The following PPARGC1A variants were observed in gnomAD, a reference collection of about 807,000 sequenced individuals.
PPARGC1A encodes the protein peroxisome proliferator-activated receptor gamma coactivator 1-alpha.
PPARGC1A carries 25 observed loss-of-function variants against 88.7 expected under a neutral mutation model. The observed-to-expected ratio is 0.28, with a 90% CI of 0.21 to 0.39. The LOEUF is 0.39. PPARGC1A is among the 10% of genes least tolerant of loss of function. PPARGC1A has a pLI of 1.00. For synonymous variants in PPARGC1A, 363 were observed against 355.6 expected (o/e 1.02, Z -0.24); for missense variants, 880 against 968.7 (o/e 0.91, Z 1.22).
chr4:24,468,042 C>A, the PPARGC1A span, among the ~76,000 whole-genome samples: 17 of 152,160 alleles, frequency 1.1e-4, no homozygotes, highest in Non-Finnish European at 2.1e-4. Context: ...GAGCAGTCAG[C>A]TAATTGGCTC....
chr4:24,288,670 A>T, the PPARGC1A span, among the ~76,000 whole-genome samples: 3 of 152,214 alleles, frequency 2.0e-5, no homozygotes, highest in African/African-American at 7.2e-5. Flanking sequence ...GTGCAAATAC[A>T]AATTTCCTTT....
chr4:24,071,143 G>A, the PPARGC1A span, among the ~76,000 whole-genome samples: 5 of 152,112 alleles, frequency 3.3e-5, no homozygotes, highest in East Asian at 5.8e-4. Flanking sequence ...AGAAGGCCAG[G>A]ACATCCTATC....
chr4:23,828,794 T>C (rs1430568587), intron 4 of PPARGC1A, among the ~76,000 whole-genome samples, 190 bp from the exon 5 acceptor site: 1 of 152,230 alleles, frequency 6.6e-6, no homozygotes, highest in African/African-American at 2.4e-5. Context: ...ATGACATTTA[T>C]GCAGCTTTTT....
the PPARGC1A span, among the ~76,000 whole-genome samples, chr4:23,989,227 A>G: frequency 6.6e-6 from 1 of 151,934 alleles, no homozygotes; most frequent in African/African-American, 2.4e-5. Context: ...TTCTTTTAAT[A>G]ATGCACATTT....
At chr4:24,386,602 ACAAACAGAGAGC>A in the PPARGC1A span, among the ~76,000 whole-genome samples, 1 of 152,196 alleles carries the variant, frequency 6.6e-6, no homozygotes, top group African/African-American at 2.4e-5. Context: ...CCAATAATAG[ACAAACAGAGAGC>A]CAAATCATGA....
the PPARGC1A span, among the ~76,000 whole-genome samples, chr4:24,171,391 C>T: frequency 2.6e-5 from 4 of 151,600 alleles, no homozygotes; most frequent in Non-Finnish European, 2.9e-5. Context: ...GGTAACAGAG[C>T]GAGACTCCAT....
chr4:23,798,513 C>A (rs970303032), intron 12 of PPARGC1A, among the ~76,000 whole-genome samples: 1 of 152,048 alleles, frequency 6.6e-6, no homozygotes, highest in Non-Finnish European at 1.5e-5. Flanking sequence ...CATAAAGTTA[C>A]GTGTATAATC....
At chr4:24,076,786 A>G in the PPARGC1A span, among the ~76,000 whole-genome samples, 1 of 152,182 alleles carries the variant, frequency 6.6e-6, no homozygotes, top group Non-Finnish European at 1.5e-5. Flanking sequence ...TAAGTCTTAC[A>G]TACCCCCATT....
chr4:23,911,541 G>A, the PPARGC1A span, among the ~76,000 whole-genome samples: 1 of 152,078 alleles, frequency 6.6e-6, no homozygotes, highest in East Asian at 1.9e-4. Flanking sequence ...TTTTCCTAAT[G>A]GATCATGAGT....
chr4:24,407,555 C>T, the PPARGC1A span, among the ~76,000 whole-genome samples: 3 of 152,190 alleles, frequency 2.0e-5, no homozygotes, highest in Middle Eastern at 3.2e-3. Flanking sequence ...TAAGAGGAGG[C>T]AACTAAATTT....
At chr4:23,836,691 A>T (rs1247455469) in intron 2 of PPARGC1A, among the ~76,000 whole-genome samples, 1 of 152,188 alleles carries the variant, frequency 6.6e-6, no homozygotes, top group Non-Finnish European at 1.5e-5. Context: ...TTGAAAGAAG[A>T]TAGGTTCTGG....
the PPARGC1A span, among the ~76,000 whole-genome samples, chr4:23,981,071 T>C: frequency 2.0e-5 from 3 of 151,992 alleles, no homozygotes; most frequent in Non-Finnish European, 4.4e-5. Context: ...ATCTCAAATG[T>C]TCTGCTTGAT....
chr4:24,286,483 C>A, the PPARGC1A span, among the ~76,000 whole-genome samples: 1 of 152,256 alleles, frequency 6.6e-6, no homozygotes, highest in East Asian at 1.9e-4. Flanking sequence ...AAGTTTACCT[C>A]CCTGATCAAC....
chr4:24,378,182 C>T, the PPARGC1A span, among the ~76,000 whole-genome samples: 1 of 151,924 alleles, frequency 6.6e-6, no homozygotes, highest in Non-Finnish European at 1.5e-5. Flanking sequence ...ACTAAAAATA[C>T]AAAAATTAGC....
chr4:24,336,053 C>G, the PPARGC1A span, among the ~76,000 whole-genome samples: 1 of 151,940 alleles, frequency 6.6e-6, no homozygotes, highest in East Asian at 1.9e-4. Flanking sequence ...TTTTTTCCCC[C>G]GTTTTTATGC....
chr4:24,256,832 T>C, the PPARGC1A span, among the ~76,000 whole-genome samples: 3 of 152,186 alleles, frequency 2.0e-5, no homozygotes, highest in Non-Finnish European at 4.4e-5. Context: ...ATTAGATCTC[T>C]GGACTCTGAG....
chr4:24,038,085 A>G, the PPARGC1A span, among the ~76,000 whole-genome samples: 1 of 152,242 alleles, frequency 6.6e-6, no homozygotes, highest in Non-Finnish European at 1.5e-5. Context: ...AATGGATTTC[A>G]GCCCCCAACT....
At chr4:23,951,058 C>T in the PPARGC1A span, among the ~76,000 whole-genome samples, 4 of 152,058 alleles carry the variant, frequency 2.6e-5, no homozygotes, top group African/African-American at 4.8e-5. Context: ...TACTTATTGA[C>T]GATTTGCTAC....
the PPARGC1A span, among the ~76,000 whole-genome samples, chr4:24,026,444 T>C: frequency 2.0e-5 from 3 of 152,338 alleles, no homozygotes; most frequent in East Asian, 5.8e-4. Flanking sequence ...CATCTTCAGC[T>C]TCCTTTTCTA....
Sources: gnomAD v4.1 joint callset for allele counts (sites outside exome capture counted in the v4.1 genomes callset) on GRCh38, gnomAD v4.1.1 for gene constraint, MANE v1.5 for transcripts, NCBI Gene and HGNC (gene_info 2026-07-23, HGNC 2026-07-21) for gene names.